Variants in SCFD2 observed in about 807,000 individuals in gnomAD.
The protein encoded by SCFD2 is sec1 family domain containing 2, also known as sec1 family domain-containing protein 2.
In SCFD2, 54 loss-of-function variants were observed where a neutral mutation model predicts 58.9. The observed-to-expected ratio is 0.92, with a 90% CI of 0.74 to 1.15. The LOEUF is 1.15. Among genes scored for constraint, SCFD2 ranks in the 50% most tolerant of loss-of-function variants. SCFD2 has a pLI of 0.00. For synonymous variants in SCFD2, 321 were observed against 335.9 expected (o/e 0.96, Z 0.49); for missense variants, 805 against 836.6 (o/e 0.96, Z 0.47).
At chr4:53,278,887 A>G (rs576285715) in intron 3 of SCFD2, among the ~76,000 whole-genome samples, 1 of 151,122 alleles carries the variant, frequency 6.6e-6, no homozygotes, top group South Asian at 2.1e-4. Context: ...GATGCTCTAA[A>G]AAAAAAAAAA....
intron 5 of SCFD2, among the ~76,000 whole-genome samples, chr4:52,931,744 A>G (rs1256302223): frequency 6.6e-6 from 1 of 152,160 alleles, no homozygotes; most frequent in Admixed American, 6.5e-5. Context: ...TCTCAGAGAG[A>G]GTGACATGGA....
chr4:53,165,357 C>T (rs1030293665), intron 4 of SCFD2, among the ~76,000 whole-genome samples: 150 of 152,210 alleles, frequency 9.9e-4, no homozygotes, highest in African/African-American at 3.5e-3. Context: ...CCTTGCCTAT[C>T]TTTATATAAT....
At chr4:52,883,396 G>T (rs1034386602) in intron 8 of SCFD2, among the ~76,000 whole-genome samples, 5 of 152,222 alleles carry the variant, frequency 3.3e-5, no homozygotes, top group African/African-American at 1.2e-4. Context: ...GCTGCCTGAG[G>T]AATCTTCCTA....
chr4:52,952,909 G>C (rs1231600385), intron 5 of SCFD2, among the ~76,000 whole-genome samples: 26 of 152,212 alleles, frequency 1.7e-4, no homozygotes, highest in Admixed American at 1.7e-3. Context: ...AAGGGAACCA[G>C]TGATAAAATG....
At chr4:52,949,149 C>G (rs1198014476) in intron 5 of SCFD2, 4 of 152,246 alleles carry the variant, frequency 2.6e-5, no homozygotes, top group African/African-American at 7.2e-5. Context: ...CTCAGGACAT[C>G]AGTTTACTAT....
chr4:53,261,887 T>C (rs1730839067), intron 4 of SCFD2, among the ~76,000 whole-genome samples: 2 of 152,220 alleles, frequency 1.3e-5, no homozygotes, highest in Admixed American at 6.5e-5. Flanking sequence ...TAATTGTTTA[T>C]AAATTTGGGA....
At chr4:53,357,833 T>A (rs1428057591) in intron 1 of SCFD2, among the ~76,000 whole-genome samples, 1 of 152,148 alleles carries the variant, frequency 6.6e-6, no homozygotes, top group Non-Finnish European at 1.5e-5. Flanking sequence ...ATAATGATCA[T>A]CTCTACTGTG....
At chr4:53,321,883 C>G (rs1346917211) in intron 2 of SCFD2, among the ~76,000 whole-genome samples, 1 of 152,156 alleles carries the variant, frequency 6.6e-6, no homozygotes, top group Admixed American at 6.6e-5. Context: ...AAAATATAAG[C>G]ACTTTCTGTG....
chr4:53,187,364 G>C (rs776060200), intron 4 of SCFD2, among the ~76,000 whole-genome samples: 4 of 151,852 alleles, frequency 2.6e-5, no homozygotes, highest in Non-Finnish European at 5.9e-5. Context: ...ACCATCAAAA[G>C]CCTTAAAATG....
At position 52,900,239 on chromosome 4, in the gene SCFD2, T is replaced by C. The variant is rs1406240803; in HGVS notation, c.1842+7218A>G. 2.0e-5 allele frequency among the ~76,000 whole-genome samples: 3 copies of C among 152,182 alleles called. No homozygotes were observed. The East Asian group carries it at 5.8e-4, about 29-fold the overall frequency. On this transcript the variant is annotated intron_variant, in intron 7 of 8. Transcript: ENST00000401642. Reference sequence around the variant, plus strand: ...AGGAGAGGCGCTCTGATTTTTCGAGTTTCTGGTTTTTCTGCTCTGTTTTTT... The same window carrying C: ...AGGAGAGGCGCTCTGATTTTTCGAGCTTCTGGTTTTTCTGCTCTGTTTTTT...
rs555347536 is a variant in SCFD2, at chr4:53,028,650, G to A, written c.1562-107780C>T. Among the ~76,000 whole-genome samples the A allele has an allele frequency of 3.9e-5, 6 of 152,182 alleles. No individual in the cohort carries two copies. The South Asian group carries it at 1.0e-3, about 26-fold the overall frequency. On this transcript the variant is annotated intron_variant, in intron 5 of 8. Coordinates refer to ENST00000401642, the MANE Select transcript of SCFD2 (RefSeq NM_152540.4). ...TAGAGATGGAAGAAAAGGGAGAGAG[G>A]GAAGGATAGAGGGAGAGAGTAAGAA...
intron 4 of SCFD2, among the ~76,000 whole-genome samples, chr4:53,220,165 T>G (rs1729005683): frequency 6.6e-6 from 1 of 152,232 alleles, no homozygotes; most frequent in African/African-American, 2.4e-5. Context: ...TGCTGCTTTT[T>G]AGCCCATGAC....
At chr4:53,126,006 C>G (rs577999034) in intron 5 of SCFD2, among the ~76,000 whole-genome samples, 1 of 152,280 alleles carries the variant, frequency 6.6e-6, no homozygotes, top group South Asian at 2.1e-4. Context: ...GCACTTCTCC[C>G]ATGAAGGACA....
At chr4:53,288,955 A>G (rs1213168410) in intron 3 of SCFD2, among the ~76,000 whole-genome samples, 1 of 152,234 alleles carries the variant, frequency 6.6e-6, no homozygotes, top group Non-Finnish European at 1.5e-5. Context: ...ACTTGTTAAG[A>G]AATACACAAT....
intron 5 of SCFD2, among the ~76,000 whole-genome samples, chr4:53,114,405 C>T (rs1560342024): frequency 6.6e-6 from 1 of 152,068 alleles, no homozygotes; most frequent in Non-Finnish European, 1.5e-5. Context: ...CTGGGCAGAG[C>T]ACATGACCCC....
chr4:53,231,783 T>C (rs531991559), intron 4 of SCFD2, among the ~76,000 whole-genome samples: 1 of 152,096 alleles, frequency 6.6e-6, no homozygotes, highest in Admixed American at 6.6e-5. Context: ...ACTAAGGCTA[T>C]AATCCCTTAA....
intron 5 of SCFD2, among the ~76,000 whole-genome samples, chr4:53,086,564 A>G (rs991199322): frequency 6.6e-6 from 1 of 152,220 alleles, no homozygotes; most frequent in African/African-American, 2.4e-5. Context: ...CAGTATGTCA[A>G]AGAGATATCT....
At chr4:52,908,971 T>C (rs891840027) in intron 6 of SCFD2, among the ~76,000 whole-genome samples, 2 of 152,200 alleles carry the variant, frequency 1.3e-5, no homozygotes, top group African/African-American at 4.8e-5. Flanking sequence ...TGGATCCACC[T>C]TGCTCATAAA....
intron 2 of SCFD2, among the ~76,000 whole-genome samples, chr4:53,341,849 G>A (rs1733886803): frequency 6.6e-6 from 1 of 152,172 alleles, no homozygotes; most frequent in African/African-American, 2.4e-5. Flanking sequence ...TTCATATCCA[G>A]CCAAACTAAG....
Sources: allele counts gnomAD v4.1 joint callset (sites outside exome capture counted in the v4.1 genomes callset), GRCh38; gene constraint gnomAD v4.1.1; transcripts MANE v1.5; gene names NCBI Gene and HGNC (gene_info 2026-07-23, HGNC 2026-07-21).